RHCG: variants seen among roughly 807,000 people sequenced by gnomAD.
RHCG encodes Rh family C glycoprotein.
A neutral mutation model predicts 55.3 loss-of-function variants in RHCG; 39 were observed. That is an observed-to-expected ratio of 0.70 (90% CI 0.55 to 0.92). The LOEUF (loss-of-function observed/expected upper bound fraction) is 0.92, where lower values mean the gene tolerates loss of function less well. Ranked by LOEUF, RHCG falls within the 40% of genes least tolerant of loss-of-function variation. The pLI, the probability that RHCG is intolerant of heterozygous loss-of-function variation, is 0.00. For missense variants in RHCG, 635 were observed against 627.9 expected (o/e 1.01, Z -0.12); for synonymous variants, 250 against 246.8 (o/e 1.01, Z -0.12).
At chr15:89,479,219 AGATGGGTGT>A in intron 5 of RHCG, 94 bp downstream of exon 5, 1 of 1,240,156 alleles carries the variant, frequency 8.1e-7, no homozygotes, top group Non-Finnish European at 1.1e-6. Flanking sequence ...CTCATCTGCA[AGATGGGTGT>A]GATGATCCCC....
At chr15:89,473,142 CAGTA>C (rs1341519009) in intron 9 of RHCG, among the ~76,000 whole-genome samples, 2 of 152,180 alleles carry the variant, frequency 1.3e-5, no homozygotes, top group Non-Finnish European at 2.9e-5. Context: ...TACCCAGTGA[CAGTA>C]AGAGTTGCAA....
chr15:89,476,923 T>A, intron 8 of RHCG, 95 bp from the exon 9 acceptor site: 1 of 1,534,848 alleles, frequency 6.5e-7, no homozygotes, highest in Non-Finnish European at 9.0e-7. Flanking sequence ...CCTGGGGCCC[T>A]TGGGCTGAGT....
chr15:89,474,076 TTATGA>T (rs1961088446), intron 9 of RHCG, among the ~76,000 whole-genome samples: 1 of 152,196 alleles, frequency 6.6e-6, no homozygotes, highest in Non-Finnish European at 1.5e-5. Context: ...AGAACAATTC[TTATGA>T]TAGAGTGGTA....
intron 2 of RHCG, chr15:89,486,426 G>T: frequency 2.2e-6 from 1 of 459,026 alleles, no homozygotes; most frequent in East Asian, 6.9e-5. Context: ...GTCGGACCCT[G>T]CCCCCAGAGG....
chr15:89,489,737 G>A (rs915001344), intron 1 of RHCG, among the ~76,000 whole-genome samples: 1 of 152,220 alleles, frequency 6.6e-6, no homozygotes. Context: ...AGAATGGCCA[G>A]CAGATCTCAG....
rs1401832671 is a variant in RHCG, at chr15:89,476,772, C to T, written c.1294G>A (p.Asp432Asn). The change falls in exon 9 of 11, where the codon GAT becomes AAT. Residue 432 changes from aspartate (D) to asparagine (N), a missense_variant. By Grantham distance (23) the Asp-to-Asn change is conservative. Transcript: ENST00000268122. ...GAACTCACCTCCCAGTAGACCGCAT[C>T]CTCAAAGCAGTTCTCATCTGAAGGT... is the stretch of plus-strand genomic sequence containing the variant. Reference protein sequence around the residue: ...GQPSDENCFEDAVYWEMPEGN... With the variant: ...GQPSDENCFENAVYWEMPEGN... The T allele has an allele frequency of 6.2e-7, 1 of 1,614,116 alleles. No individual in the cohort carries two copies. The highest frequency in any genetic ancestry group is 2.2e-5 in the East Asian group (1 of 44,872).
chr15:89,489,596 G>T (rs1181996114), intron 1 of RHCG, among the ~76,000 whole-genome samples: 1 of 152,122 alleles, frequency 6.6e-6, no homozygotes, highest in East Asian at 1.9e-4. Context: ...CTGCCTCCCA[G>T]GGGATCTCTA....
At chr15:89,476,019 C>G (rs1961143054) in intron 9 of RHCG, among the ~76,000 whole-genome samples, 1 of 151,814 alleles carries the variant, frequency 6.6e-6, no homozygotes. Flanking sequence ...CTCGCTCTCT[C>G]TCTCTCTCTC....
intron 1 of RHCG, among the ~76,000 whole-genome samples, chr15:89,489,053 G>A (rs1434389052): frequency 6.6e-6 from 1 of 152,178 alleles, no homozygotes; most frequent in Non-Finnish European, 1.5e-5. Context: ...GTATGTGCGT[G>A]TGCATCCGTG....
chr15:89,477,048 A>G lies in RHCG; in HGVS notation c.1237+34T>C, dbSNP rs192220172. On this transcript the variant is annotated intron_variant, in intron 8 of 10. Coordinates refer to ENST00000268122, the MANE Select transcript of RHCG (RefSeq NM_016321.3). The surrounding 1 kb of genome is among the most constrained non-coding windows in gnomAD (Gnocchi z 4.5). ...TCCACCCAGGGAGCCCCACAGCAGC[A>G]CCCCCCTTCTCTGGCTCAGCCATTC... 390 of 1,611,786 alleles carry G rather than the reference A, an allele frequency of 2.4e-4. 3 individuals carry two copies. The East Asian group carries it at 7.9e-3, about 32-fold the overall frequency.
intron 1 of RHCG, among the ~76,000 whole-genome samples, chr15:89,493,119 C>T (rs1018757117): frequency 6.6e-6 from 1 of 152,212 alleles, no homozygotes; most frequent in Non-Finnish European, 1.5e-5. Flanking sequence ...CAAATGGAGC[C>T]TGCTTCGGCC....
At chr15:89,476,949 T>C in intron 8 of RHCG, 121 bp from the exon 9 acceptor site, 1 of 1,542,044 alleles carries the variant, frequency 6.5e-7, no homozygotes, top group Non-Finnish European at 8.9e-7. Flanking sequence ...ATTGTCCCAG[T>C]CCTGTAGCCA....
At chr15:89,496,294 G>C (rs1377963317) in intron 1 of RHCG, 67 bp downstream of exon 1, 3 of 1,550,008 alleles carry the variant, frequency 1.9e-6, no homozygotes, top group African/African-American at 1.4e-5. Context: ...GCTCTGGGCC[G>C]AGCCCTTGGC....
At chr15:89,496,283 A>C (rs1961564105) in intron 1 of RHCG, 78 bp downstream of exon 1, 1 of 1,484,984 alleles carries the variant, frequency 6.7e-7, no homozygotes, top group South Asian at 1.2e-5. Flanking sequence ...TCCTCTGCCC[A>C]GCTCTGGGCC....
intron 3 of RHCG, among the ~76,000 whole-genome samples, chr15:89,481,374 C>T (rs1233236482): frequency 3.3e-5 from 5 of 151,718 alleles, no homozygotes; most frequent in Non-Finnish European, 7.4e-5. Context: ...CGCTTGAACC[C>T]GGGAGGCAGA....
intron 3 of RHCG, among the ~76,000 whole-genome samples, chr15:89,482,118 G>T (rs1376479088): frequency 2.6e-5 from 4 of 152,026 alleles, no homozygotes; most frequent in African/African-American, 9.7e-5. Flanking sequence ...TGTATTTTTA[G>T]TAGAGACGGG....
At position 89,483,193 on chromosome 15, in the gene RHCG, C is replaced by T. The variant is rs773954758; in HGVS notation, c.396G>A (p.Val132=). 3.8e-6 allele frequency: 6 copies of T among 1,582,642 alleles called. No individual in the cohort carries two copies. The highest frequency in any genetic ancestry group is 2.6e-6 in the Non-Finnish European group (3 of 1,154,762). ...VENLINADFC[V]ASVCVAFGAV... is the part of the protein sequence containing the mutation. Reference sequence around the variant, plus strand: ...CCCCAAAGGCCACGCAGACAGAGGCCACGCAGAAGTCAGCGTTGATGAGGC... The same window carrying T: ...CCCCAAAGGCCACGCAGACAGAGGCTACGCAGAAGTCAGCGTTGATGAGGC... Residue 132 remains valine (V), a synonymous_variant, in exon 3 of 11, where the codon GTG becomes GTA. Coordinates refer to ENST00000268122, the MANE Select transcript of RHCG (RefSeq NM_016321.3).
In RHCG at chr15:89,496,458, G is replaced by T. The variant is rs185295226; in HGVS notation, c.87C>A (p.Phe29Leu). ...CGTCGGCCTCGAAGTCGTAGCGCACGAACACCCCGAAGAGAATCACCATAA... is the reference window on the plus strand; with the variant it reads ...CGTCGGCCTCGAAGTCGTAGCGCACTAACACCCCGAAGAGAATCACCATAA... ...QVIMVILFGV[F>L]VRYDFEADAH... Residue 29 changes from phenylalanine to leucine, a missense_variant, in exon 1 of 11, where the codon TTC becomes TTA. Physicochemically the swap from Phe to Leu is conservative, Grantham distance 22. Transcript: ENST00000268122. 9.3e-6 allele frequency: 15 copies of T among 1,613,988 alleles called. No individual in the cohort carries two copies. In the Admixed American group the frequency reaches 1.5e-4, roughly 16 times the overall value.
intron 10 of RHCG, 80 bp downstream of exon 10, chr15:89,472,631 G>A: frequency 7.2e-7 from 1 of 1,392,050 alleles, no homozygotes; most frequent in Non-Finnish European, 9.8e-7. Flanking sequence ...TTGCCTCTTT[G>A]CTAGTAACAT....
Sources: gnomAD v4.1 joint callset for allele counts (sites outside exome capture counted in the v4.1 genomes callset) on GRCh38, gnomAD v4.1.1 for gene constraint, Gnocchi (gnomAD v3.1) non-coding constraint, MANE v1.5 for transcripts, NCBI Gene and HGNC (gene_info 2026-07-23, HGNC 2026-07-21) for gene names.